ATP6V0A4: variants seen among roughly 807,000 people sequenced by gnomAD.
ATP6V0A4 encodes the protein ATPase H+ transporting V0 subunit a4.
Under a neutral mutation model 107.3 loss-of-function variants are expected in ATP6V0A4, and 86 were observed. The ratio of observed to expected loss-of-function variants is 0.80; its 90% CI spans 0.67 to 0.96. The LOEUF is 0.96. Ranked by LOEUF, ATP6V0A4 falls within the 40% of genes least tolerant of loss-of-function variation. The pLI, the probability that ATP6V0A4 is intolerant of heterozygous loss-of-function variation, is 0.00. For missense variants in ATP6V0A4, 908 were observed against 1,045.6 expected, an observed-to-expected ratio of 0.87 and a Z score of 1.81; for synonymous variants, 353 against 381.4, an observed-to-expected ratio of 0.93 and a Z score of 0.87.
At chr7:138,741,633 C>CA (rs1390561166) in intron 14 of ATP6V0A4, among the ~76,000 whole-genome samples, 1 of 152,212 alleles carries the variant, frequency 6.6e-6, no homozygotes, top group Non-Finnish European at 1.5e-5. Context: ...GTCCAAACCA[C>CA]AAAAATGACC....
chr7:138,794,532 T>G (rs2130240803), intron 1 of ATP6V0A4, among the ~76,000 whole-genome samples: 1 of 152,238 alleles, frequency 6.6e-6, no homozygotes, highest in East Asian at 1.9e-4. Context: ...TTGGAAGCAG[T>G]AAGAGCCCTG....
intron 8 of ATP6V0A4, 25 bp downstream of exon 8, chr7:138,759,727 A>C (rs1806698800): frequency 6.2e-7 from 1 of 1,613,930 alleles, no homozygotes; most frequent in African/African-American, 1.3e-5. Flanking sequence ...TCTCAGAGAA[A>C]GTTTTTGCAG....
chr7:138,751,294 G>A (rs1398424223), intron 11 of ATP6V0A4, among the ~76,000 whole-genome samples: 3 of 152,158 alleles, frequency 2.0e-5, no homozygotes, highest in Admixed American at 6.5e-5. Context: ...GCTCCCAAAC[G>A]CAGTTCCCGA....
rs892736717 is a variant in ATP6V0A4 at position 138,752,844 on chromosome 7, A to G, written c.817-7T>C. 6.2e-7 allele frequency: 1 copy of G among 1,613,458 alleles called. No individual in the cohort carries two copies. Among genetic ancestry groups the G allele is most frequent in the Non-Finnish European group, 8.5e-7 (1 of 1,180,014 alleles). ...ACTCTGTTTGTGTTATGACCTATACAAAAAACAACACACAGGAAAACAGAG... is the reference window on the plus strand; with the variant it reads ...ACTCTGTTTGTGTTATGACCTATACGAAAAACAACACACAGGAAAACAGAG... On this transcript the variant is annotated splice_polypyrimidine_tract_variant and splice_region_variant and intron_variant, in intron 10 of 21. Coordinates refer to ENST00000310018, the MANE Select transcript of ATP6V0A4 (RefSeq NM_020632.3).
chr7:138,730,173 C>T (rs146210368), intron 17 of ATP6V0A4, among the ~76,000 whole-genome samples: 284 of 152,302 alleles, frequency 1.9e-3, no homozygotes, highest in African/African-American at 6.5e-3. Flanking sequence ...CATGAGCCGC[C>T]GCGCCTGGCC....
intron 14 of ATP6V0A4, 39 bp downstream of exon 14, chr7:138,745,084 G>A: frequency 6.4e-7 from 1 of 1,564,270 alleles, no homozygotes; most frequent in Non-Finnish European, 8.8e-7. Flanking sequence ...AGGCCACCTG[G>A]ATGGCCAGCG....
rs759335247 is a variant in ATP6V0A4, at chr7:138,798,181, C to G, written c.-268G>C. ...TTTGCCTCCCTCCACTCGGCTTGCT[C>G]GGCAGGTAGCGTTATGAGCTTTATT... On this transcript the variant is annotated 5_prime_UTR_variant, in exon 1 of 22. Transcript: ENST00000310018. 1 of 1,590,108 alleles carries G rather than the reference C, an allele frequency of 6.3e-7. No individual in the cohort carries two copies. Among genetic ancestry groups the G allele is most frequent in the East Asian group, 2.3e-5 (1 of 43,756 alleles).
chr7:138,725,489 G>C lies in ATP6V0A4; in HGVS notation c.2010+3272C>G, dbSNP rs550317187. On this transcript the variant is annotated intron_variant, in intron 18 of 21. Transcript: ENST00000310018. ...AGCACAATGTTTGCTCTTGGGGTAAGAGTGACAGGAAGAAGGCAAAAAAAA... is the reference window on the plus strand; with the variant it reads ...AGCACAATGTTTGCTCTTGGGGTAACAGTGACAGGAAGAAGGCAAAAAAAA... Among the ~76,000 whole-genome samples, 4 of 152,076 alleles carry C rather than the reference G, an allele frequency of 2.6e-5. No individual in the cohort carries two copies. The South Asian group carries it at 8.3e-4, about 32-fold the overall frequency.
intron 5 of ATP6V0A4, among the ~76,000 whole-genome samples, chr7:138,766,780 T>C (rs1807115233): frequency 6.6e-6 from 1 of 152,212 alleles, no homozygotes; most frequent in African/African-American, 2.4e-5. Context: ...TTTATTAAGG[T>C]ACTACAGCCA....
intron 21 of ATP6V0A4, among the ~76,000 whole-genome samples, chr7:138,707,068 A>ATGTGTG (rs10669320): frequency 1.4e-3 from 122 of 90,078 alleles, no homozygotes; most frequent in South Asian, 8.3e-3. Flanking sequence ...GCTAATTTAT[A>ATGTGTG]TGTGTGTGTG....
chr7:138,730,931 C>CTTCTTCTTCTTCTTCT (rs1554392929), intron 17 of ATP6V0A4, among the ~76,000 whole-genome samples: 2 of 123,758 alleles, frequency 1.6e-5, no homozygotes, highest in African/African-American at 6.1e-5. Context: ...TCTTCTTCTT[C>CTTCTTCTTCTTCTTCT]TTTTTTTATT....
chr7:138,752,873 C>T (rs1476616221), intron 10 of ATP6V0A4, 36 bp from the exon 11 acceptor site: 1 of 1,609,518 alleles, frequency 6.2e-7, no homozygotes, highest in Non-Finnish European at 8.5e-7. Flanking sequence ...AACAGAGAAC[C>T]TTCACAGAGC....
intron 19 of ATP6V0A4, among the ~76,000 whole-genome samples, chr7:138,720,451 G>C (rs1804372851): frequency 6.6e-6 from 1 of 152,102 alleles, no homozygotes; most frequent in Admixed American, 6.6e-5. Flanking sequence ...GAAGAGATGA[G>C]GGAGGTTGCC....
chr7:138,784,290 A>ATACACACATATATACT (rs1808077184), intron 2 of ATP6V0A4, among the ~76,000 whole-genome samples: 1 of 32,714 alleles, frequency 3.1e-5, no homozygotes, highest in African/African-American at 9.9e-5. Context: ...ACATATATAT[A>ATACACACATATATACT]CACACACACA....
At chr7:138,797,984 C>G (rs1808767135) in intron 1 of ATP6V0A4, 50 bp downstream of exon 1, 1 of 1,545,836 alleles carries the variant, frequency 6.5e-7, no homozygotes, top group South Asian at 1.2e-5. Context: ...AGCATAAGTT[C>G]ACCTCTGGCA....
intron 10 of ATP6V0A4, among the ~76,000 whole-genome samples, chr7:138,755,388 T>C (rs1806458254): frequency 6.6e-6 from 1 of 152,196 alleles, no homozygotes; most frequent in Non-Finnish European, 1.5e-5. Context: ...AGATTCCGTC[T>C]AGGCCGAGGC....
chr7:138,706,361 C>A lies in ATP6V0A4; in HGVS notation c.*263G>T. On this transcript the variant is annotated 3_prime_UTR_variant, in exon 22 of 22. Coordinates refer to ENST00000310018, the MANE Select transcript of ATP6V0A4 (RefSeq NM_020632.3). ...ATATTGCAAGAAGACATCTGTTTAG[C>A]ATTCTCCCCTCATTTGTCAATTACT... is the stretch of plus-strand genomic sequence containing the variant. 1 of 486,644 alleles carries A rather than the reference C, an allele frequency of 2.1e-6. No individual in the cohort carries two copies. The highest frequency in any genetic ancestry group is 2.2e-5 in the South Asian group (1 of 46,358). The allele number at this position is 486,644 out of a possible 1,614,324, so 30.1% of individuals were successfully genotyped here. A position where few individuals can be genotyped will look rare whatever the true frequency, so the allele number is the denominator to read the frequency against.
At chr7:138,721,364 C>T (rs1804412925) in intron 19 of ATP6V0A4, among the ~76,000 whole-genome samples, 1 of 152,078 alleles carries the variant, frequency 6.6e-6, no homozygotes, top group Non-Finnish European at 1.5e-5. Flanking sequence ...CATGGTGAAG[C>T]CCCATCTCTA....
chr7:138,707,225 T>TA (rs1803459496), intron 21 of ATP6V0A4, among the ~76,000 whole-genome samples: 1 of 88,110 alleles, frequency 1.1e-5, no homozygotes, highest in African/African-American at 4.9e-5. Flanking sequence ...ATATAGAATA[T>TA]ATTATATAAT....
Sources: gnomAD v4.1 joint callset for allele counts (sites outside exome capture counted in the v4.1 genomes callset) on GRCh38, gnomAD v4.1.1 for gene constraint, MANE v1.5 for transcripts, NCBI Gene and HGNC (gene_info 2026-07-23, HGNC 2026-07-21) for gene names.